BPHL: variants seen among roughly 807,000 people sequenced by gnomAD.
The protein encoded by BPHL is serine hydrolase BPHL.
In BPHL, 27 loss-of-function variants were observed where a neutral mutation model predicts 31.2. The ratio of observed to expected loss-of-function variants is 0.87; its 90% CI spans 0.64 to 1.19. The LOEUF (loss-of-function observed/expected upper bound fraction) is 1.19. BPHL is among the 50% of genes most tolerant of loss of function. The pLI, the probability that BPHL is intolerant of heterozygous loss-of-function variation, is 0.00. For missense variants in BPHL, 356 were observed against 375.7 expected (o/e 0.95, Z 0.43); for synonymous variants, 150 against 146.8 (o/e 1.02, Z -0.16).
intron 4 of BPHL, among the ~76,000 whole-genome samples, chr6:3,136,086 C>T (rs568109718): frequency 7.2e-5 from 11 of 152,346 alleles, no homozygotes; most frequent in East Asian, 5.8e-4. Flanking sequence ...CCCCGGTTTC[C>T]ATTAACCACT....
At chr6:3,134,886 A>T (rs1166823018) in intron 4 of BPHL, among the ~76,000 whole-genome samples, 1 of 151,624 alleles carries the variant, frequency 6.6e-6, no homozygotes, top group Admixed American at 6.6e-5. Context: ...ACAGGCATGA[A>T]CCACCGCGCC....
chr6:3,151,065 T>C (rs1426292986), intron 6 of BPHL, among the ~76,000 whole-genome samples: 1 of 152,180 alleles, frequency 6.6e-6, no homozygotes, highest in African/African-American at 2.4e-5. Context: ...AACCAACAAA[T>C]CATAGCCAGA....
intron 6 of BPHL, among the ~76,000 whole-genome samples, chr6:3,146,233 TGGTTGGAGTGCTGATTC>T (rs1762353157): frequency 6.5e-5 from 1 of 15,346 alleles, no homozygotes; most frequent in Non-Finnish European, 1.3e-4. Context: ...GTGCTGGTTC[TGGTTGGAGTGCTGATTC>T]GGGTCGGAGT....
chr6:3,142,052 C>T (rs1762191235), intron 6 of BPHL, among the ~76,000 whole-genome samples: 1 of 151,902 alleles, frequency 6.6e-6, no homozygotes, highest in Non-Finnish European at 1.5e-5. Context: ...AATTATAATA[C>T]TAAGTTATGG....
chr6:3,145,982 T>C (rs1211934919), intron 6 of BPHL, among the ~76,000 whole-genome samples: 11 of 26,354 alleles, frequency 4.2e-4, no homozygotes, highest in East Asian at 1.1e-3. Context: ...AGTGCTGGTT[T>C]GGGTCGAGTG....
intron 4 of BPHL, among the ~76,000 whole-genome samples, chr6:3,130,455 G>A (rs1177199041): frequency 6.6e-6 from 1 of 152,102 alleles, no homozygotes; most frequent in African/African-American, 2.4e-5. Context: ...AGGACAAGAA[G>A]TGAAACTGAC....
At chr6:3,146,237 T>C (rs1396379004) in intron 6 of BPHL, among the ~76,000 whole-genome samples, 1 of 43,950 alleles carries the variant, frequency 2.3e-5, no homozygotes, top group Non-Finnish European at 4.8e-5. Flanking sequence ...TGGTTCTGGT[T>C]GGAGTGCTGA....
At chr6:3,130,249 C>G (rs546971716) in intron 4 of BPHL, among the ~76,000 whole-genome samples, 1 of 152,216 alleles carries the variant, frequency 6.6e-6, no homozygotes, top group East Asian at 1.9e-4. Context: ...TGGGGTGTCC[C>G]TTTACCACCC....
chr6:3,144,257 C>T (rs543893252), intron 6 of BPHL, among the ~76,000 whole-genome samples: 3 of 152,024 alleles, frequency 2.0e-5, no homozygotes, highest in Non-Finnish European at 2.9e-5. Flanking sequence ...TTAGTGGAGA[C>T]GGGGTTTCAC....
At chr6:3,126,990 C>G (rs1761732931) in intron 2 of BPHL, 1 of 293,450 alleles carries the variant, frequency 3.4e-6, no homozygotes, top group Non-Finnish European at 6.1e-6. Context: ...AGGCCGGTCT[C>G]GAACTCCTGA....
rs140069323 is a variant in BPHL at position 3,137,491 on chromosome 6, A to C, written c.662A>C (p.Asp221Ala). 1.5e-4 allele frequency: 246 copies of C among 1,613,722 alleles called. 1 individual carries two copies. In the African/African-American group the frequency reaches 2.8e-3, roughly 19 times the overall value. The change falls in exon 5 of 7, where the codon GAT becomes GCT. Residue 221 changes from aspartate (D) to alanine (A), a missense_variant and splice_region_variant. Coordinates refer to ENST00000380379, the MANE Select transcript of BPHL (RefSeq NM_004332.4). ...DGIRQFKHLP[D>A]GNICRHLLPR... ...ATAAGACAGTTTAAACATCTCCCAGATGGTAGGTTACTGGGCTTGAAGGGC... is the reference window on the plus strand; with the variant it reads ...ATAAGACAGTTTAAACATCTCCCAGCTGGTAGGTTACTGGGCTTGAAGGGC...
In BPHL at chr6:3,129,099, G is replaced by T. The variant is rs74772741; in HGVS notation, c.433G>T (p.Ala145Ser). 6.2e-4 allele frequency: 1,004 copies of T among 1,613,700 alleles called. 5 individuals carry two copies. The African/African-American group carries it at 0.011, about 18-fold the overall frequency. Residue 145 changes from alanine (A) to serine (S), a missense_variant, in exon 4 of 7, where the codon GCA becomes TCA. Physicochemically the swap from Ala to Ser is moderately conservative, Grantham distance 99. Coordinates refer to ENST00000380379, the MANE Select transcript of BPHL (RefSeq NM_004332.4). ...GGGGTGGAGTGATGGGGGCATAACC[G>T]CACTCATTGCTGCTGCAAAATATCC... Reference protein sequence around the residue: ...LLGWSDGGITALIAAAKYPSY... With the variant: ...LLGWSDGGITSLIAAAKYPSY...
At chr6:3,131,681 C>T (rs1761873744) in intron 4 of BPHL, among the ~76,000 whole-genome samples, 1 of 152,180 alleles carries the variant, frequency 6.6e-6, no homozygotes, top group Admixed American at 6.5e-5. Context: ...ATTCTCCCAT[C>T]TCCCCTTTCT....
chr6:3,134,975 A>T (rs1488412222), intron 4 of BPHL, among the ~76,000 whole-genome samples: 1 of 151,836 alleles, frequency 6.6e-6, no homozygotes, highest in Non-Finnish European at 1.5e-5. Context: ...GGACTTAAGT[A>T]ATCCACCCAC....
intron 4 of BPHL, among the ~76,000 whole-genome samples, chr6:3,135,373 G>A (rs1351264194): frequency 3.3e-5 from 5 of 152,154 alleles, no homozygotes; most frequent in African/African-American, 4.8e-5. Flanking sequence ...TTTCCTGTCC[G>A]TCTACGTGGT....
intron 4 of BPHL, among the ~76,000 whole-genome samples, 196 bp downstream of exon 4, chr6:3,129,394 G>C (rs924203363): frequency 2.6e-4 from 40 of 152,252 alleles, no homozygotes; most frequent in African/African-American, 8.0e-4. Context: ...TCTGTTTCCA[G>C]GAGTGAAACT....
At chr6:3,119,589 A>G in intron 1 of BPHL, 1 of 1,569,328 alleles carries the variant, frequency 6.4e-7, no homozygotes, top group Admixed American at 1.7e-5. Context: ...CCCAAGAGAT[A>G]CTGGGCAGAA....
chr6:3,141,905 C>T (rs1413230742), intron 6 of BPHL, among the ~76,000 whole-genome samples: 4 of 151,756 alleles, frequency 2.6e-5, no homozygotes, highest in African/African-American at 7.3e-5. Flanking sequence ...ACCTGGGAGG[C>T]GGAGGTTGCA....
chr6:3,120,900 G>A (rs937340968), intron 1 of BPHL, among the ~76,000 whole-genome samples: 1 of 152,134 alleles, frequency 6.6e-6, no homozygotes, highest in Non-Finnish European at 1.5e-5. Flanking sequence ...GTGTGGCCCC[G>A]GTGCCTGAGC....
Sources: gnomAD v4.1 joint callset for allele counts (sites outside exome capture counted in the v4.1 genomes callset) on GRCh38, gnomAD v4.1.1 for gene constraint, MANE v1.5 for transcripts, NCBI Gene and HGNC (gene_info 2026-07-23, HGNC 2026-07-21) for gene names.